Variants in LRRC69 observed in about 807,000 individuals in gnomAD.
LRRC69 encodes leucine rich repeat containing 69.
A neutral mutation model predicts 37.8 loss-of-function variants in LRRC69; 42 were observed. The ratio of observed to expected loss-of-function variants is 1.11; its 90% CI spans 0.87 to 1.44. The LOEUF is 1.44. LRRC69 is among the 40% of genes most tolerant of loss of function. The pLI, the probability that LRRC69 is intolerant of heterozygous loss-of-function variation, is 0.00. For missense variants in LRRC69, 357 were observed against 401.9 expected (o/e 0.89, Z 0.96); for synonymous variants, 141 against 143.1 (o/e 0.99, Z 0.11).
chr8:91,128,601 A>T (rs945839449), intron 3 of LRRC69, among the ~76,000 whole-genome samples: 7 of 152,034 alleles, frequency 4.6e-5, no homozygotes, highest in South Asian at 4.1e-4. Context: ...CAAAATGAGG[A>T]TGATGATAGT....
chr8:91,142,261 A>G lies in LRRC69; in HGVS notation c.651+6522A>G, dbSNP rs1808544525. The stretch of plus-strand genomic sequence containing the variant: ...TGAAGTTCATAACAAAATATCATAT[A>G]TAAAATATTGCAGACCAAATAGAAA... On this transcript the variant is annotated intron_variant, in intron 5 of 7. Transcript: ENST00000448384. Among the ~76,000 whole-genome samples, 3 of 152,138 alleles carry G rather than the reference A, an allele frequency of 2.0e-5. No individual in the cohort carries two copies. The South Asian group carries it at 6.2e-4, about 32-fold the overall frequency.
At chr8:91,154,821 T>A (rs1808804057) in intron 5 of LRRC69, among the ~76,000 whole-genome samples, 1 of 151,068 alleles carries the variant, frequency 6.6e-6, no homozygotes, top group Non-Finnish European at 1.5e-5. Context: ...CACAAGACAA[T>A]CATGCATTCT....
chr8:91,162,382 C>T (rs1808960168), intron 5 of LRRC69, among the ~76,000 whole-genome samples: 1 of 151,354 alleles, frequency 6.6e-6, no homozygotes, highest in African/African-American at 2.4e-5. Context: ...GTACTAGGGT[C>T]TATCTCTCCC....
chr8:91,203,999 A>G (rs2130633504), intron 7 of LRRC69, among the ~76,000 whole-genome samples: 1 of 151,748 alleles, frequency 6.6e-6, no homozygotes, highest in African/African-American at 2.4e-5. Flanking sequence ...GCGGGCACCT[A>G]TAGTCCCAGC....
At chr8:91,167,383 A>G (rs1444304330) in intron 5 of LRRC69, among the ~76,000 whole-genome samples, 1 of 151,692 alleles carries the variant, frequency 6.6e-6, no homozygotes, top group African/African-American at 2.4e-5. Flanking sequence ...TCACGAGAAC[A>G]GCCCGGGAAA....
intron 6 of LRRC69, 126 bp from the exon 7 acceptor site, chr8:91,200,487 G>A (rs568448499): frequency 3.2e-6 from 2 of 615,594 alleles, no homozygotes; most frequent in African/African-American, 1.9e-5. Context: ...TAGATACACT[G>A]CAGAATCTTA....
At chr8:91,118,242 T>C (rs1206479862) in intron 1 of LRRC69, 5 of 454,750 alleles carry the variant, frequency 1.1e-5, no homozygotes, top group Non-Finnish European at 2.2e-5. Context: ...CGGTGGCTCA[T>C]GCCTGTAATC....
At chr8:91,217,110 G>T (rs1810063880) in intron 7 of LRRC69, among the ~76,000 whole-genome samples, 1 of 152,100 alleles carries the variant, frequency 6.6e-6, no homozygotes, top group Admixed American at 6.6e-5. Flanking sequence ...CTATTTGTGT[G>T]TGTGTGTATG....
chr8:91,164,707 C>A (rs537977672), intron 5 of LRRC69, among the ~76,000 whole-genome samples: 188 of 151,696 alleles, frequency 1.2e-3, no homozygotes, highest in African/African-American at 4.0e-3. Context: ...GGAACTATTA[C>A]CATTTCCATT....
intron 1 of LRRC69, chr8:91,118,305 G>C (rs1252642949): frequency 2.5e-6 from 1 of 405,708 alleles, no homozygotes; most frequent in Admixed American, 2.9e-5. Flanking sequence ...AGGAGTTCGA[G>C]ACCAGCCTGG....
chr8:91,138,232 T>A (rs1339135872), intron 5 of LRRC69, among the ~76,000 whole-genome samples: 1 of 151,988 alleles, frequency 6.6e-6, no homozygotes, highest in East Asian at 1.9e-4. Context: ...ATAGCAATCA[T>A]CTACTCTCTA....
At chr8:91,159,781 C>G (rs574974479) in intron 5 of LRRC69, among the ~76,000 whole-genome samples, 76 of 151,216 alleles carry the variant, frequency 5.0e-4, no homozygotes, top group Non-Finnish European at 5.2e-4. Context: ...ACATCTTTCT[C>G]AAAAACATAG....
At chr8:91,195,698 A>T (rs1809585148) in intron 6 of LRRC69, among the ~76,000 whole-genome samples, 1 of 152,124 alleles carries the variant, frequency 6.6e-6, no homozygotes, top group African/African-American at 2.4e-5. Context: ...ATTTGCTTGG[A>T]AGATCTTCCT....
intron 6 of LRRC69, among the ~76,000 whole-genome samples, chr8:91,197,597 C>T (rs186753463): frequency 7.2e-5 from 11 of 152,116 alleles, no homozygotes; most frequent in Non-Finnish European, 1.6e-4. Context: ...GTGGGAGTGA[C>T]CCGATTTTCC....
chr8:91,127,482 T>C (rs1813737749), intron 3 of LRRC69, among the ~76,000 whole-genome samples: 1 of 151,764 alleles, frequency 6.6e-6, no homozygotes, highest in African/African-American at 2.4e-5. Context: ...TTAAATGTTA[T>C]TTCGCATGTG....
intron 5 of LRRC69, among the ~76,000 whole-genome samples, chr8:91,176,134 A>ATATATATATATATATATATTTTT: frequency 1.3e-5 from 1 of 75,708 alleles, no homozygotes; most frequent in African/African-American, 6.1e-5. Context: ...ATATATATAT[A>ATATATATATATATATATATTTTT]TTTTTTTTTT....
chr8:91,104,539 A>G (rs897627849), intron 1 of LRRC69, among the ~76,000 whole-genome samples: 17 of 151,866 alleles, frequency 1.1e-4, no homozygotes, highest in Admixed American at 2.6e-4. Context: ...GTTTTATGGT[A>G]GCCTCATTTT....
intron 7 of LRRC69, among the ~76,000 whole-genome samples, chr8:91,214,360 G>A (rs1020167229): frequency 6.6e-6 from 1 of 152,140 alleles, no homozygotes; most frequent in African/African-American, 2.4e-5. Context: ...CTCAGTTGGA[G>A]ACAGACTGGC....
chr8:91,191,041 A>AACCCC (rs1809484739), intron 6 of LRRC69, among the ~76,000 whole-genome samples: 1 of 114,422 alleles, frequency 8.7e-6, no homozygotes, highest in African/African-American at 3.1e-5. Flanking sequence ...CCTGTCTCAA[A>AACCCC]CCCCCCCCCC....
Sources: allele counts gnomAD v4.1 joint callset (sites outside exome capture counted in the v4.1 genomes callset), GRCh38; gene constraint gnomAD v4.1.1; transcripts MANE v1.5; gene names NCBI Gene and HGNC (gene_info 2026-07-23, HGNC 2026-07-21).